The following CDH12 variants were observed in gnomAD, a reference collection of about 807,000 sequenced individuals.
CDH12 encodes the protein cadherin-12.
In CDH12, 41 loss-of-function variants were observed where a neutral mutation model predicts 74.1. That is an observed-to-expected ratio of 0.55 (90% CI 0.43 to 0.72). The LOEUF is 0.72. CDH12 is among the 30% of genes least tolerant of loss of function. The pLI is 0.00. For synonymous variants in CDH12, 399 were observed against 355.0 expected (o/e 1.12, Z -1.39); for missense variants, 945 against 977.2 (o/e 0.97, Z 0.44).
intron 5 of CDH12, among the ~76,000 whole-genome samples, chr5:22,076,629 C>T (rs193085892): frequency 6.6e-6 from 1 of 152,082 alleles, no homozygotes. Context: ...TCAAAAGAAA[C>T]AAGTATAGGA....
At chr5:21,821,623 C>T (rs1382584883) in intron 8 of CDH12, among the ~76,000 whole-genome samples, 3 of 151,664 alleles carry the variant, frequency 2.0e-5, no homozygotes, top group African/African-American at 7.3e-5. Flanking sequence ...AATACAAGAA[C>T]ACTAGAAATA....
chr5:21,938,058 T>C (rs1221465132), intron 6 of CDH12, among the ~76,000 whole-genome samples: 1 of 152,188 alleles, frequency 6.6e-6, no homozygotes, highest in African/African-American at 2.4e-5. Flanking sequence ...CATGTGATCC[T>C]TGATAGAGCT....
At chr5:22,660,893 T>C (rs888516678) in intron 1 of CDH12, among the ~76,000 whole-genome samples, 1 of 152,212 alleles carries the variant, frequency 6.6e-6, no homozygotes, top group Non-Finnish European at 1.5e-5. Context: ...AATAACTATT[T>C]AACATTCATT....
chr5:22,184,696 T>C (rs1261665897), intron 4 of CDH12, among the ~76,000 whole-genome samples: 1 of 152,214 alleles, frequency 6.6e-6, no homozygotes, highest in Admixed American at 6.5e-5. Flanking sequence ...TTACTTCACA[T>C]GTGCAGAACC....
chr5:22,714,713 A>G (rs1293004720), intron 1 of CDH12, among the ~76,000 whole-genome samples: 4 of 152,182 alleles, frequency 2.6e-5, no homozygotes. Context: ...CTAATATTGC[A>G]ATAATAGTAA....
intron 1 of CDH12, among the ~76,000 whole-genome samples, chr5:22,560,949 A>C (rs1739022608): frequency 6.6e-6 from 1 of 152,170 alleles, no homozygotes; most frequent in Non-Finnish European, 1.5e-5. Context: ...GGACTACTTA[A>C]TATTCTGTTA....
chr5:22,232,955 AC>A (rs1752436325), intron 3 of CDH12, among the ~76,000 whole-genome samples: 1 of 150,282 alleles, frequency 6.7e-6, no homozygotes, highest in Non-Finnish European at 1.5e-5. Context: ...GAATCGAATA[AC>A]CATATAATTG....
intron 1 of CDH12, among the ~76,000 whole-genome samples, chr5:22,665,357 G>A (rs1206661771): frequency 6.6e-6 from 1 of 152,134 alleles, no homozygotes; most frequent in African/African-American, 2.4e-5. Context: ...ATGGGAGAAG[G>A]ATTTAAGAGA....
At chr5:22,651,144 T>C (rs1033840666) in intron 1 of CDH12, among the ~76,000 whole-genome samples, 1 of 152,102 alleles carries the variant, frequency 6.6e-6, no homozygotes, top group Non-Finnish European at 1.5e-5. Flanking sequence ...CACAGCCAGC[T>C]TGCCTGTTTG....
At chr5:22,503,296 T>A (rs1283171272) in intron 2 of CDH12, among the ~76,000 whole-genome samples, 1 of 152,070 alleles carries the variant, frequency 6.6e-6, no homozygotes, top group East Asian at 1.9e-4. Context: ...CCTATGTGAT[T>A]GTTGAAAAAG....
intron 5 of CDH12, among the ~76,000 whole-genome samples, chr5:22,016,986 C>T (rs1055585024): frequency 6.6e-6 from 1 of 152,204 alleles, no homozygotes; most frequent in African/African-American, 2.4e-5. Flanking sequence ...CTCTGCCCCA[C>T]TCAAAGGAAG....
Position 22,109,315 on chromosome 5 carries a change from G to A in CDH12, c.-186-30453C>T, listed in dbSNP as rs570666129. On this transcript the variant is annotated intron_variant, in intron 4 of 14. Transcript: ENST00000382254. ...GATAGAGATAACATCCCCCTCCAGA[G>A]CAAAAGTCAAGCATGCCTACTGCCC... Among the ~76,000 whole-genome samples the A allele has an allele frequency of 7.9e-5, 12 of 152,272 alleles. No individual in the cohort carries two copies. In the South Asian group the frequency reaches 2.3e-3, roughly 29 times the overall value.
At chr5:21,940,671 C>T (rs1439659978) in intron 6 of CDH12, among the ~76,000 whole-genome samples, 1 of 152,122 alleles carries the variant, frequency 6.6e-6, no homozygotes, top group Non-Finnish European at 1.5e-5. Flanking sequence ...ATAGTTGCTT[C>T]ATGTAGTATA....
At chr5:22,048,050 G>T (rs1344837383) in intron 5 of CDH12, among the ~76,000 whole-genome samples, 1 of 152,094 alleles carries the variant, frequency 6.6e-6, no homozygotes, top group Admixed American at 6.5e-5. Flanking sequence ...TGTTTGCAGG[G>T]GTAGGGGTGT....
chr5:22,814,176 G>T (rs1462476969), intron 1 of CDH12, among the ~76,000 whole-genome samples: 1 of 151,972 alleles, frequency 6.6e-6, no homozygotes, highest in Admixed American at 6.6e-5. Flanking sequence ...CATAATCTAG[G>T]TACATTAAAT....
At chr5:22,819,246 T>G (rs953831160) in intron 1 of CDH12, among the ~76,000 whole-genome samples, 4 of 152,002 alleles carry the variant, frequency 2.6e-5, no homozygotes, top group Non-Finnish European at 4.4e-5. Context: ...GTGATCCTGC[T>G]CAAGATGAAA....
At chr5:22,580,854 A>T (rs116051681) in intron 1 of CDH12, 75 of 171,880 alleles carry the variant, frequency 4.4e-4, no homozygotes, top group African/African-American at 1.7e-3. Flanking sequence ...TAGCAAAGAG[A>T]CTGGCGGCAT....
At chr5:22,314,515 G>T (rs1738530055) in intron 3 of CDH12, among the ~76,000 whole-genome samples, 1 of 152,162 alleles carries the variant, frequency 6.6e-6, no homozygotes, top group African/African-American at 2.4e-5. Context: ...CTGCCGTCTT[G>T]ATTTGGGTTC....
intron 3 of CDH12, among the ~76,000 whole-genome samples, chr5:22,326,477 C>T (rs190064106): frequency 6.1e-4 from 93 of 152,264 alleles, no homozygotes; most frequent in African/African-American, 2.0e-3. Context: ...CCTCGTGATC[C>T]GACCGCCTCG....
Sources: gnomAD v4.1 joint callset for allele counts (sites outside exome capture counted in the v4.1 genomes callset) on GRCh38, gnomAD v4.1.1 for gene constraint, MANE v1.5 for transcripts, NCBI Gene and HGNC (gene_info 2026-07-23, HGNC 2026-07-21) for gene names.